SHC3: variants seen among roughly 807,000 people sequenced by gnomAD.
The protein encoded by SHC3 is SHC adaptor protein 3.
In SHC3, 15 loss-of-function variants were observed where a neutral mutation model predicts 60.4. The observed-to-expected ratio is 0.25, with a 90% confidence interval of 0.17 to 0.38. The LOEUF (loss-of-function observed/expected upper bound fraction) is 0.38, where lower values mean the gene tolerates loss of function less well. Among genes scored for constraint, SHC3 ranks in the 10% least tolerant of loss-of-function variants. The pLI, the probability that SHC3 is intolerant of heterozygous loss-of-function variation, is 1.00. For synonymous variants in SHC3, 294 were observed against 325.9 expected, an observed-to-expected ratio of 0.90 and a Z score of 1.05; for missense variants, 677 against 786.1, an observed-to-expected ratio of 0.86 and a Z score of 1.66.
At chr9:89,111,030 C>A (rs567345463) in intron 2 of SHC3, among the ~76,000 whole-genome samples, 1 of 152,234 alleles carries the variant, frequency 6.6e-6, no homozygotes. Context: ...TTGTTCTGTG[C>A]CCCTCAAATG....
Position 89,011,826 on chromosome 9 carries a change from C to T in SHC3, c.*1621G>A, listed in dbSNP as rs927079520. On this transcript the variant is annotated 3_prime_UTR_variant, in exon 12 of 12. Coordinates refer to ENST00000375835, the MANE Select transcript of SHC3 (RefSeq NM_016848.6). ...TCAAAGGCAAAGACTCCCTAGAAGG[C>T]CATGTATGAAGGCTGGGGCCTGCCC... 1 of 152,386 alleles carries T rather than the reference C, an allele frequency of 6.6e-6. No homozygotes were observed. Among genetic ancestry groups the T allele is most frequent in the Admixed American group, 6.5e-5 (1 of 15,286 alleles). The allele number at this position is 152,386 out of a possible 1,614,324, so 9.4% of individuals were successfully genotyped here. A position where few individuals can be genotyped will look rare whatever the true frequency, so the allele number is the denominator to read the frequency against.
intron 2 of SHC3, among the ~76,000 whole-genome samples, chr9:89,106,838 A>G (rs1008786865): frequency 3.9e-5 from 6 of 152,108 alleles, no homozygotes; most frequent in African/African-American, 1.4e-4. Context: ...TTCCACAGTG[A>G]TGTCTGTTTA....
chr9:89,112,618 C>T lies in SHC3; in HGVS notation c.483G>A (p.Gly161=). The T allele has an allele frequency of 6.3e-7, 1 of 1,590,020 alleles. No individual in the cohort carries two copies. The highest frequency in any genetic ancestry group is 8.5e-7 in the Non-Finnish European group (1 of 1,170,318). The change falls in exon 2 of 12, where the codon GGG becomes GGA. Residue 161 remains glycine, a synonymous_variant. Transcript: ENST00000375835. ...PGVTYVVKYL[G]CIEVLRSMRS... is the part of the protein sequence containing the mutation. ...TCATTGAGCGCAGAACTTCAATGCACCCCAAGTACTGCAAGGGGAAAAAAT... is the reference window on the plus strand; with the variant it reads ...TCATTGAGCGCAGAACTTCAATGCATCCCAAGTACTGCAAGGGGAAAAAAT...
chr9:89,106,537 G>A lies in SHC3; in HGVS notation c.545+6019C>T, dbSNP rs147716173. On this transcript the variant is annotated intron_variant, in intron 2 of 11. Coordinates refer to ENST00000375835, the MANE Select transcript of SHC3 (RefSeq NM_016848.6). Reference sequence around the variant, plus strand: ...TGGAGGAGCAGGGGACTGTCCTTCAGTAGTGAGGGGAGGCAGTCGGTGAGC... The same window carrying A: ...TGGAGGAGCAGGGGACTGTCCTTCAATAGTGAGGGGAGGCAGTCGGTGAGC... Among the ~76,000 whole-genome samples, 659 of 152,314 alleles carry A rather than the reference G, an allele frequency of 4.3e-3. 2 individuals are homozygous for A. The highest frequency in any genetic ancestry group is 7.6e-3 in the Admixed American group (116 of 15,300).
chr9:89,140,989 C>T (rs1386768597), intron 1 of SHC3, among the ~76,000 whole-genome samples: 3 of 152,110 alleles, frequency 2.0e-5, no homozygotes, highest in East Asian at 3.8e-4. Flanking sequence ...TTAACCATAG[C>T]GCTCTTTTAA....
At chr9:89,027,416 T>C (rs1228818084) in intron 11 of SHC3, among the ~76,000 whole-genome samples, 4 of 151,010 alleles carry the variant, frequency 2.6e-5, no homozygotes, top group Non-Finnish European at 5.9e-5. Flanking sequence ...GCCCCCCGGG[T>C]TCACGCCATT....
intron 1 of SHC3, among the ~76,000 whole-genome samples, chr9:89,132,064 C>A (rs1273785776): frequency 1.3e-5 from 2 of 152,220 alleles, no homozygotes; most frequent in Non-Finnish European, 2.9e-5. Context: ...AGCAAAGTCT[C>A]AGGATACAAA....
At chr9:89,177,870 C>T (rs1716057406) in intron 1 of SHC3, 117 bp downstream of exon 1, 1 of 1,130,722 alleles carries the variant, frequency 8.8e-7, no homozygotes, top group Non-Finnish European at 1.1e-6. Context: ...CATTTGCTTG[C>T]CTCTAACGTG....
chr9:89,107,583 G>A (rs1389657772), intron 2 of SHC3, among the ~76,000 whole-genome samples: 1 of 152,202 alleles, frequency 6.6e-6, no homozygotes, highest in Non-Finnish European at 1.5e-5. Context: ...ACCCCTTCCT[G>A]CCAGGCCTCA....
intron 6 of SHC3, among the ~76,000 whole-genome samples, chr9:89,056,506 C>T (rs956527031): frequency 2.0e-5 from 3 of 152,216 alleles, no homozygotes; most frequent in Admixed American, 2.0e-4. Context: ...AGACATGAGC[C>T]ACCATACCCA....
chr9:89,073,545 T>C (rs1385231706), intron 4 of SHC3, among the ~76,000 whole-genome samples: 2 of 152,116 alleles, frequency 1.3e-5, no homozygotes, highest in Admixed American at 1.3e-4. Flanking sequence ...CCTGTGTGCT[T>C]GCCCCCCACC....
chr9:89,047,477 AAAATAT>A (rs1275328691), intron 7 of SHC3, among the ~76,000 whole-genome samples: 1 of 152,244 alleles, frequency 6.6e-6, no homozygotes, highest in African/African-American at 2.4e-5. Flanking sequence ...AAAATGGGAG[AAAATAT>A]TTGCTAACAT....
intron 1 of SHC3, among the ~76,000 whole-genome samples, chr9:89,138,044 T>G (rs1826343302): frequency 6.6e-6 from 1 of 152,186 alleles, no homozygotes; most frequent in Admixed American, 6.5e-5. Context: ...GATGTCACCC[T>G]TTGTAGACTC....
intron 1 of SHC3, among the ~76,000 whole-genome samples, chr9:89,163,758 GA>G (rs1047392037): frequency 7.9e-5 from 12 of 151,404 alleles, no homozygotes; most frequent in East Asian, 3.9e-4. Flanking sequence ...AAAAAGAAAA[GA>G]AAAAAAATAT....
intron 6 of SHC3, among the ~76,000 whole-genome samples, chr9:89,058,601 TTAGGACGTGGTG>T (rs1426061245): frequency 2.4e-5 from 3 of 126,316 alleles, no homozygotes; most frequent in Non-Finnish European, 3.4e-5. Flanking sequence ...GATGGTGGTG[TTAGGACGTGGTG>T]GAGGACGTGG....
chr9:89,029,874 C>T (rs1317916471), intron 11 of SHC3, among the ~76,000 whole-genome samples: 3 of 151,992 alleles, frequency 2.0e-5, no homozygotes, highest in Non-Finnish European at 4.4e-5. Flanking sequence ...CTATAATATA[C>T]ATATTACATT....
intron 1 of SHC3, among the ~76,000 whole-genome samples, chr9:89,144,241 T>C (rs760514609): frequency 6.6e-5 from 10 of 152,198 alleles, no homozygotes; most frequent in Admixed American, 2.0e-4. Flanking sequence ...CTTTTGATTT[T>C]TTACTCTATG....
chr9:89,169,211 C>T (rs373417493), intron 1 of SHC3, among the ~76,000 whole-genome samples: 2 of 152,196 alleles, frequency 1.3e-5, no homozygotes, highest in Non-Finnish European at 2.9e-5. Context: ...GAGGCCCTGC[C>T]GGACACTGAG....
At chr9:89,133,125 G>C (rs1459176314) in intron 1 of SHC3, among the ~76,000 whole-genome samples, 1 of 152,204 alleles carries the variant, frequency 6.6e-6, no homozygotes, top group African/African-American at 2.4e-5. Context: ...CTTCTCAGAA[G>C]AAGACATTTA....
Sources: allele counts gnomAD v4.1 joint callset (sites outside exome capture counted in the v4.1 genomes callset), GRCh38; gene constraint gnomAD v4.1.1; transcripts MANE v1.5; gene names NCBI Gene and HGNC (gene_info 2026-07-23, HGNC 2026-07-21).